MYO5A: variants seen among roughly 807,000 people sequenced by gnomAD.
MYO5A encodes unconventional myosin-Va.
Under a neutral mutation model 249.7 loss-of-function variants are expected in MYO5A, and 98 were observed. The observed-to-expected ratio is 0.39, with a 90% CI of 0.33 to 0.46. MYO5A has a LOEUF of 0.46. MYO5A is among the 20% of genes least tolerant of loss of function. MYO5A has a pLI of 0.98. For missense variants in MYO5A, 1,696 were observed against 2,308.8 expected (o/e 0.73, Z 5.44); for synonymous variants, 778 against 810.6 (o/e 0.96, Z 0.68).
rs184528570 is a variant in MYO5A at position 52,495,974 on chromosome 15, C to T, written c.27+32806G>A. Among the ~76,000 whole-genome samples the T allele has an allele frequency of 2.3e-4, 35 of 151,690 alleles. 1 individual carries two copies. In the East Asian group the frequency reaches 5.0e-3, roughly 22 times the overall value. ...GGAGGGATAGCATTAGGAGAAAAAC[C>T]TAATGTAAATGATGAGTTAATGGGT... On this transcript the variant is annotated intron_variant, in intron 1 of 41. Transcript: ENST00000399233.
chr15:52,492,206 T>G (rs750399723), intron 1 of MYO5A, among the ~76,000 whole-genome samples: 4 of 152,146 alleles, frequency 2.6e-5, no homozygotes, highest in Non-Finnish European at 4.4e-5. Flanking sequence ...GTTTGGTGAT[T>G]TGGTAGGAGG....
chr15:52,317,363 G>A (rs2038072974), intron 39 of MYO5A, 141 bp from the exon 40 acceptor site: 1 of 778,850 alleles, frequency 1.3e-6, no homozygotes, highest in African/African-American at 1.7e-5. Context: ...AATCTCATCA[G>A]CTGTGCTTAA....
chr15:52,502,760 T>C (rs953577244), intron 1 of MYO5A, among the ~76,000 whole-genome samples: 14 of 152,256 alleles, frequency 9.2e-5, no homozygotes, highest in African/African-American at 3.1e-4. Flanking sequence ...GGTTGATTTC[T>C]TCAGTTACAC....
At chr15:52,521,765 G>C (rs1473040292) in intron 1 of MYO5A, among the ~76,000 whole-genome samples, 1 of 152,236 alleles carries the variant, frequency 6.6e-6, no homozygotes, top group African/African-American at 2.4e-5. Flanking sequence ...GCTTAGAAGA[G>C]AAATGGAGAA....
intron 36 of MYO5A, among the ~76,000 whole-genome samples, chr15:52,326,519 A>G (rs571539551): frequency 5.9e-5 from 9 of 152,290 alleles, no homozygotes; most frequent in Admixed American, 5.2e-4. Context: ...GAGAACCAGC[A>G]TTTATCAAAA....
At chr15:52,392,338 T>C (rs190673987) in intron 11 of MYO5A, among the ~76,000 whole-genome samples, 2 of 152,248 alleles carry the variant, frequency 1.3e-5, no homozygotes, top group Non-Finnish European at 2.9e-5. Context: ...TGATTATGTA[T>C]ATTTTCAAAA....
intron 1 of MYO5A, among the ~76,000 whole-genome samples, chr15:52,514,091 C>T (rs895339575): frequency 1.1e-4 from 16 of 152,100 alleles, no homozygotes; most frequent in Non-Finnish European, 2.2e-4. Flanking sequence ...TGATCTGATT[C>T]GTTAAATCCA....
At chr15:52,490,103 T>C (rs781384064) in intron 1 of MYO5A, among the ~76,000 whole-genome samples, 3 of 152,190 alleles carry the variant, frequency 2.0e-5, no homozygotes, top group Non-Finnish European at 4.4e-5. Context: ...ATTAGAACGA[T>C]TGTGCCCTGG....
Position 52,433,184 on chromosome 15 carries a change from C to G in MYO5A, c.129G>C (p.Glu43Asp). ...GAAAGTGAGATCTCACCTTTCCTTC[C>G]TCGAGGTGAAGCAGGAGGACTTTAT... is the stretch of plus-strand genomic sequence containing the variant. ...PGDKVLLLHLEEGKDLEYHLD... is the reference protein window; with the variant it reads ...PGDKVLLLHLDEGKDLEYHLD... The change falls in exon 2 of 42, where the codon GAG (glutamate) becomes GAC (aspartate). Residue 43 changes from glutamate (E) to aspartate (D), a missense_variant. Glu to Asp is a conservative substitution (Grantham distance 45). Around this residue, in one of 5 missense-constraint regions of MYO5A, gnomAD observed 197 missense variants for 320.3 expected, o/e 0.62. Coordinates refer to ENST00000399233, the MANE Select transcript of MYO5A (RefSeq NM_001382347.1). The G allele has an allele frequency of 6.2e-7, 1 of 1,602,272 alleles. No individual in the cohort carries two copies. Among genetic ancestry groups the G allele is most frequent in the Non-Finnish European group, 8.6e-7 (1 of 1,169,414 alleles).
chr15:52,348,905 AG>A, intron 28 of MYO5A, 79 bp from the exon 29 acceptor site: 1 of 1,454,722 alleles, frequency 6.9e-7, no homozygotes, highest in East Asian at 2.3e-5. Context: ...TTCATCAATG[AG>A]TTCCTATTAT....
Position 52,410,475 on chromosome 15 carries a change from G to T in MYO5A, c.614C>A (p.Ser205Tyr). 1 of 1,611,938 alleles carries T rather than the reference G, an allele frequency of 6.2e-7. No individual in the cohort carries two copies. The highest frequency in any genetic ancestry group is 8.5e-7 in the Non-Finnish European group (1 of 1,178,278). ...KVLASNPIMESIGNAKTTRND... is the reference protein window; with the variant it reads ...KVLASNPIMEYIGNAKTTRND... ...CCTGGTTGTTTTAGCATTTCCAATG[G>T]ACTAAAAAGCAAGGGAGAAAATAAG... is the stretch of plus-strand genomic sequence containing the variant. Residue 205 changes from serine to tyrosine, a missense_variant and splice_region_variant, in exon 6 of 42, where the codon TCC (serine) becomes TAC (tyrosine). By Grantham distance (144) the Ser-to-Tyr change is moderately radical. Transcript: ENST00000399233.
At chr15:52,477,559 T>C (rs2076623496) in intron 1 of MYO5A, among the ~76,000 whole-genome samples, 1 of 152,210 alleles carries the variant, frequency 6.6e-6, no homozygotes, top group Non-Finnish European at 1.5e-5. Flanking sequence ...CCTTTGGTCT[T>C]TAGTGATGGT....
Position 52,383,148 on chromosome 15 carries a change from G to A in MYO5A, c.1955C>T (p.Ala652Val). The change falls in exon 16 of 42, where the codon GCC becomes GTC. Residue 652 changes from alanine (A) to valine (V), a missense_variant. By Grantham distance (64) the Ala-to-Val change is moderately conservative. This residue lies in a region of MYO5A where 277 missense variants were observed against 422.4 expected (regional missense o/e 0.66). Transcript: ENST00000399233. Reference protein sequence around the residue: ...SLHLLMETLNATTPHYVRCIK... With the variant: ...SLHLLMETLNVTTPHYVRCIK... ...ACAGCGCACATAGTGAGGGGTAGTG[G>A]CATTGAGTGTCTCCATAAGCAGGTG... 1 of 1,614,052 alleles carries A rather than the reference G, an allele frequency of 6.2e-7. No homozygotes were observed. The highest frequency in any genetic ancestry group is 1.7e-5 in the Admixed American group (1 of 60,012).
In MYO5A at chr15:52,461,952, G is replaced by A. The variant is rs531986019; in HGVS notation, c.28-28667C>T. Among the ~76,000 whole-genome samples, 105 of 144,538 alleles carry A rather than the reference G, an allele frequency of 7.3e-4. 1 individual carries two copies. The highest frequency in any genetic ancestry group is 1.3e-3 in the Non-Finnish European group (88 of 66,896). 94.8% of individuals were successfully genotyped at this position (144,538 alleles called of 152,430 possible). On this transcript the variant is annotated intron_variant, in intron 1 of 41. Transcript: ENST00000399233. ...CTCTAGCCAGCCTGGGCAACACAGC[G>A]AGACTCCATCTCAAAAAAAAAAAAG... is the stretch of plus-strand genomic sequence containing the variant.
chr15:52,518,161 T>C (rs938892756), intron 1 of MYO5A, among the ~76,000 whole-genome samples: 2 of 151,512 alleles, frequency 1.3e-5, no homozygotes, highest in African/African-American at 4.8e-5. Flanking sequence ...GTAGGCAATA[T>C]TGGTTGTCAC....
intron 1 of MYO5A, among the ~76,000 whole-genome samples, chr15:52,521,992 ACTC>A (rs2077631490): frequency 6.6e-6 from 1 of 151,848 alleles, no homozygotes; most frequent in Non-Finnish European, 1.5e-5. Flanking sequence ...AATCATCTAA[ACTC>A]CTTTTATATC....
At chr15:52,354,525 G>A (rs1265611968) in intron 25 of MYO5A, among the ~76,000 whole-genome samples, 2 of 152,120 alleles carry the variant, frequency 1.3e-5, no homozygotes, top group Non-Finnish European at 2.9e-5. Context: ...GTAAATTATG[G>A]TATAGCCAAA....
chr15:52,397,593 C>G, intron 9 of MYO5A, 127 bp from the exon 10 acceptor site: 2 of 1,114,798 alleles, frequency 1.8e-6, no homozygotes, highest in Non-Finnish European at 2.7e-6. Flanking sequence ...ACCAAGATCA[C>G]TCAAAGTTGA....
chr15:52,468,457 A>C (rs75310234), intron 1 of MYO5A, among the ~76,000 whole-genome samples: 1 of 152,368 alleles, frequency 6.6e-6, no homozygotes, highest in Admixed American at 6.5e-5. Flanking sequence ...CAGGAGTTCA[A>C]GCCCAGCTTG....
Sources: allele counts gnomAD v4.1 joint callset (sites outside exome capture counted in the v4.1 genomes callset), GRCh38; gene constraint gnomAD v4.1.1; regional missense constraint gnomAD v4.1.1; transcripts MANE v1.5; gene names NCBI Gene and HGNC (gene_info 2026-07-23, HGNC 2026-07-21).